The following POMT2 variants were observed in gnomAD, a reference collection of about 807,000 sequenced individuals.
POMT2 encodes protein O-mannosyltransferase 2, also known as protein O-mannosyl-transferase 2.
Under a neutral mutation model 100.0 loss-of-function variants are expected in POMT2, and 75 were observed. The observed-to-expected ratio is 0.75, with a 90% confidence interval of 0.62 to 0.91. The LOEUF is 0.91. POMT2 is among the 40% of genes least tolerant of loss of function. POMT2 has a pLI of 0.00. For missense variants in POMT2, 940 were observed against 955.1 expected (o/e 0.98, Z 0.21); for synonymous variants, 378 against 374.1 (o/e 1.01, Z -0.12).
intron 6 of POMT2, chr14:77,300,284 A>T (rs897273982): frequency 1.3e-5 from 2 of 155,940 alleles, no homozygotes; most frequent in African/African-American, 4.8e-5. Context: ...TGTGACTCCT[A>T]GATACACCTC....
intron 9 of POMT2, among the ~76,000 whole-genome samples, chr14:77,291,825 G>T (rs1042405300): frequency 6.6e-6 from 1 of 152,118 alleles, no homozygotes; most frequent in Admixed American, 6.6e-5. Context: ...CTGAGGTCAG[G>T]AGTTTGAGAT....
intron 3 of POMT2, among the ~76,000 whole-genome samples, chr14:77,305,351 T>C (rs1477265139): frequency 4.6e-5 from 7 of 152,066 alleles, no homozygotes; most frequent in Non-Finnish European, 8.8e-5. Flanking sequence ...CCTGTTTGGT[T>C]TTTTGTTTTT....
rs1889878525 is a variant in POMT2 at position 77,274,991 on chromosome 14, C to T, written c.*2385G>A. The T allele has an allele frequency of 1.3e-5, 2 of 152,280 alleles. No homozygotes were observed. Among genetic ancestry groups the T allele is most frequent in the East Asian group, 1.9e-4 (1 of 5,184 alleles). The allele number at this position is 152,280 out of a possible 1,614,324, so 9.4% of individuals were successfully genotyped here. A position where few individuals can be genotyped will look rare whatever the true frequency, so the allele number is the denominator to read the frequency against. ...GTGTTATTTATTATAAAATCAGTGG[C>T]TTCTGATTAGAAGACTTTTTTTTTT... On this transcript the variant is annotated 3_prime_UTR_variant, in exon 21 of 21. Transcript: ENST00000261534.
Position 77,283,210 on chromosome 14 carries a change from T to A in POMT2, c.1653+587A>T, listed in dbSNP as rs561972984. ...CTCGTGGCTGGGATTTCATGCTGCA[T>A]ATAAACAACACACTCAAATTAGCTA... On this transcript the variant is annotated intron_variant, in intron 15 of 20. Coordinates refer to ENST00000261534, the MANE Select transcript of POMT2 (RefSeq NM_013382.7). Among the ~76,000 whole-genome samples the A allele has an allele frequency of 3.9e-5, 6 of 152,376 alleles. No individual in the cohort carries two copies. In the South Asian group the frequency reaches 8.3e-4, roughly 21 times the overall value.
chr14:77,307,267 G>A (rs1459913744), intron 2 of POMT2, among the ~76,000 whole-genome samples: 2 of 152,240 alleles, frequency 1.3e-5, no homozygotes, highest in Non-Finnish European at 2.9e-5. Flanking sequence ...GGCAGGCTGT[G>A]TTGGGGGAGG....
In POMT2 at chr14:77,320,858, G is replaced by A; in HGVS notation, c.-177C>T. 3 of 1,294,234 alleles carry A rather than the reference G, an allele frequency of 2.3e-6. No homozygotes were observed. Among genetic ancestry groups the A allele is most frequent in the Non-Finnish European group, 3.0e-6 (3 of 1,006,994 alleles). 80.2% of individuals were successfully genotyped at this position (1,294,234 alleles called of 1,614,324 possible). A position where few individuals can be genotyped will look rare whatever the true frequency, so the allele number is the denominator to read the frequency against. The stretch of plus-strand genomic sequence containing the variant: ...GGGCGGGCAGCGTGGTCGCGGCCCG[G>A]GCCGCTAGGAGGCGGCAGGAGGCGC... On this transcript the variant is annotated 5_prime_UTR_variant, in exon 1 of 21. Coordinates refer to ENST00000261534, the MANE Select transcript of POMT2 (RefSeq NM_013382.7).
rs1481777847 is a variant in POMT2, at chr14:77,291,330, T to C, written c.1167A>G (p.Lys389=). The C allele has an allele frequency of 6.3e-7, 1 of 1,599,482 alleles. No individual in the cohort carries two copies. Among genetic ancestry groups the C allele is most frequent in the Non-Finnish European group, 8.5e-7 (1 of 1,175,422 alleles). ...CCACATTACCTGAGTTTGTGTTATG[T>C]TTCTTGATAATCCACAGGTTGTTGT... ...KDYNNLWIIK[K]HNTNSDPLDP... The change falls in exon 10 of 21, where the codon AAA becomes AAG. Residue 389 remains lysine, a synonymous_variant. Coordinates refer to ENST00000261534, the MANE Select transcript of POMT2 (RefSeq NM_013382.7).
At chr14:77,302,623 C>CA (rs1194243968) in intron 5 of POMT2, among the ~76,000 whole-genome samples, 1 of 152,104 alleles carries the variant, frequency 6.6e-6, no homozygotes, top group Non-Finnish European at 1.5e-5. Flanking sequence ...TTGAATATGG[C>CA]AAAAATAAAA....
At chr14:77,295,535 G>A (rs896166930) in intron 9 of POMT2, among the ~76,000 whole-genome samples, 10 of 151,486 alleles carry the variant, frequency 6.6e-5, no homozygotes, top group East Asian at 1.9e-4. Flanking sequence ...GGGAGGCTGA[G>A]GCAGGAGAAT....
intron 7 of POMT2, among the ~76,000 whole-genome samples, chr14:77,299,137 ACT>A (rs1469776173): frequency 2.6e-5 from 4 of 152,188 alleles, no homozygotes; most frequent in Non-Finnish European, 5.9e-5. Flanking sequence ...CGCCGGAGTT[ACT>A]GTTATTGTTA....
chr14:77,280,321 C>A, intron 16 of POMT2, 71 bp downstream of exon 16: 2 of 1,605,868 alleles, frequency 1.2e-6, no homozygotes, highest in Non-Finnish European at 1.7e-6. Flanking sequence ...CACCCACCCC[C>A]GCCTCCACCG....
intron 9 of POMT2, among the ~76,000 whole-genome samples, chr14:77,294,669 C>T (rs2363638): frequency 0.24 from 35,777 of 152,072 alleles, 4,564 homozygotes; most frequent in East Asian, 0.52. Flanking sequence ...CTTTGCCTGC[C>T]GCCATCCACA....
intron 9 of POMT2, chr14:77,291,643 C>G: frequency 1.7e-6 from 1 of 595,206 alleles, no homozygotes; most frequent in Non-Finnish European, 3.0e-6. Flanking sequence ...TGCATCTTGT[C>G]CTAAAAGTTC....
intron 19 of POMT2, 55 bp from the exon 20 acceptor site, chr14:77,278,563 T>A: frequency 1.4e-6 from 2 of 1,444,538 alleles, no homozygotes; most frequent in Non-Finnish European, 1.9e-6. Context: ...ACTTCTGGGC[T>A]ACAGAAGAAG....
intron 11 of POMT2, 55 bp downstream of exon 11, chr14:77,288,707 C>T: frequency 6.8e-7 from 1 of 1,471,694 alleles, no homozygotes. Flanking sequence ...CTTAAAATAA[C>T]TCCCTCCCCT....
intron 2 of POMT2, among the ~76,000 whole-genome samples, chr14:77,310,993 C>T (rs112639329): frequency 0.088 from 13,340 of 152,186 alleles, 735 homozygotes; most frequent in South Asian, 0.19. Context: ...AATTAGCCAG[C>T]GTGGTGGCGG....
chr14:77,301,016 G>C (rs925889589), intron 6 of POMT2, 74 bp downstream of exon 6: 2 of 1,610,780 alleles, frequency 1.2e-6, no homozygotes, highest in South Asian at 1.1e-5. Flanking sequence ...AGTAGAGACA[G>C]AGAAGGCCAC....
In POMT2 at chr14:77,320,521, G is replaced by T. The variant is rs8177536; in HGVS notation, c.161C>A (p.Ala54Glu). 8,528 of 1,554,514 alleles carry T rather than the reference G, an allele frequency of 5.5e-3. 445 individuals carry two copies. The African/African-American group carries it at 0.1, about 19-fold the overall frequency. Residue 54 changes from alanine (A) to glutamate (E), a missense_variant, in exon 1 of 21, where the codon GCG (alanine) becomes GAG (glutamate). Ala to Glu is a moderately radical substitution (Grantham distance 107). Coordinates refer to ENST00000261534, the MANE Select transcript of POMT2 (RefSeq NM_013382.7). ...RPAWGSRRFE[A>E]VGWWALLALV... is the part of the protein sequence containing the mutation. ...GGCCAGCAGGGCCCACCAGCCGACC[G>T]CCTCGAAGCGCCGTGAGCCCCAAGC...
intron 9 of POMT2, among the ~76,000 whole-genome samples, chr14:77,293,743 G>A (rs561962173): frequency 1.3e-4 from 20 of 152,290 alleles, no homozygotes; most frequent in African/African-American, 4.8e-4. Flanking sequence ...TTGGCGCAAT[G>A]CACTTTCCCT....
Sources: allele counts gnomAD v4.1 joint callset (sites outside exome capture counted in the v4.1 genomes callset), GRCh38; gene constraint gnomAD v4.1.1; transcripts MANE v1.5; gene names NCBI Gene and HGNC (gene_info 2026-07-23, HGNC 2026-07-21).